RERE: variants seen among roughly 807,000 people sequenced by gnomAD.
RERE encodes the protein arginine-glutamic acid dipeptide repeats, also known as arginine-glutamic acid dipeptide repeats protein.
RERE carries 40 observed loss-of-function variants against 146.1 expected under a neutral mutation model. The ratio of observed to expected loss-of-function variants is 0.27; its 90% confidence interval spans 0.21 to 0.36. RERE has a LOEUF of 0.36. RERE is among the 10% of genes least tolerant of loss of function. The pLI is 1.00. For synonymous variants in RERE, 1,003 were observed against 866.0 expected, an observed-to-expected ratio of 1.16 and a Z score of -2.78; for missense variants, 1,933 against 2,138.7, an observed-to-expected ratio of 0.90 and a Z score of 1.90.
intron 1 of RERE, among the ~76,000 whole-genome samples, chr1:8,684,951 G>C (rs1404272743): frequency 1.3e-5 from 2 of 152,150 alleles, no homozygotes; most frequent in African/African-American, 4.8e-5. Context: ...TCAACCTCCT[G>C]GGCTCAAGCA....
At chr1:8,557,293 A>G in intron 5 of RERE, 125 bp downstream of exon 5, 1 of 652,942 alleles carries the variant, frequency 1.5e-6, no homozygotes, top group Middle Eastern at 3.9e-4. Flanking sequence ...ATCATCAAGC[A>G]TAAGGCCTAC....
Position 8,540,253 on chromosome 1 carries a change from G to A in RERE, c.830+961C>T, listed in dbSNP as rs1489165385. 5.3e-5 allele frequency among the ~76,000 whole-genome samples: 8 copies of A among 151,926 alleles called. No individual in the cohort carries two copies. The East Asian group carries it at 5.8e-4, about 11-fold the overall frequency. The stretch of plus-strand genomic sequence containing the variant: ...TGGGACCACAGGTGCAGCCCACCAC[G>A]TCCAGTTAATTTTTATTTTATATTT... On this transcript the variant is annotated intron_variant, in intron 7 of 22. Coordinates refer to ENST00000400908, the MANE Select transcript of RERE (RefSeq NM_001042681.2).
chr1:8,618,000 T>G (rs1462014504), intron 3 of RERE, among the ~76,000 whole-genome samples: 1 of 152,252 alleles, frequency 6.6e-6, no homozygotes, highest in African/African-American at 2.4e-5. Flanking sequence ...TGTTGATGTA[T>G]GCACTGTATC....
chr1:8,628,055 T>A (rs1646995465), intron 2 of RERE, among the ~76,000 whole-genome samples: 1 of 152,200 alleles, frequency 6.6e-6, no homozygotes, highest in Non-Finnish European at 1.5e-5. Flanking sequence ...TTACTTTTCC[T>A]TAGATTAAAA....
chr1:8,384,438 T>G (rs562685872), intron 12 of RERE, among the ~76,000 whole-genome samples: 4 of 152,250 alleles, frequency 2.6e-5, no homozygotes, highest in Admixed American at 1.3e-4. Flanking sequence ...TAAAGGGGCA[T>G]TAATAAGAAG....
intron 12 of RERE, among the ~76,000 whole-genome samples, chr1:8,407,336 A>G (rs917688763): frequency 2.6e-5 from 4 of 152,230 alleles, no homozygotes; most frequent in Non-Finnish European, 5.9e-5. Context: ...AGAAGCTTCC[A>G]TCACAGTGCT....
chr1:8,387,988 C>T (rs1570116716), intron 12 of RERE, among the ~76,000 whole-genome samples: 1 of 152,172 alleles, frequency 6.6e-6, no homozygotes, highest in Non-Finnish European at 1.5e-5. Flanking sequence ...AACAGCAAAA[C>T]ACTGGAACCA....
intron 12 of RERE, among the ~76,000 whole-genome samples, chr1:8,391,209 T>C (rs555917581): frequency 1.3e-5 from 2 of 152,378 alleles, no homozygotes; most frequent in East Asian, 3.9e-4. Flanking sequence ...CAGCATGGAC[T>C]TTAAAGCCAG....
In RERE at chr1:8,798,988, G is replaced by A. The variant is rs567295650; in HGVS notation, c.-145+18172C>T. On this transcript the variant is annotated intron_variant, in intron 1 of 22. Transcript: ENST00000400908. ...ATTACAGGCGTGAGCCACTGTGCCCGGCCTTTTTGTTTTTGTTTTTGTTTT... is the reference window on the plus strand; with the variant it reads ...ATTACAGGCGTGAGCCACTGTGCCCAGCCTTTTTGTTTTTGTTTTTGTTTT... Among the ~76,000 whole-genome samples the A allele has an allele frequency of 6.4e-5, 9 of 141,110 alleles. No homozygotes were observed. The East Asian group carries it at 1.5e-3, about 24-fold the overall frequency. 92.6% of individuals were successfully genotyped at this position (141,110 alleles called of 152,430 possible). A position where few individuals can be genotyped will look rare whatever the true frequency, so the allele number is the denominator to read the frequency against.
At chr1:8,601,670 A>ACACG (rs1274147966) in intron 4 of RERE, among the ~76,000 whole-genome samples, 4 of 128,476 alleles carry the variant, frequency 3.1e-5, no homozygotes, top group African/African-American at 1.2e-4. Context: ...ACACACACAC[A>ACACG]CATCTTCCTT....
At chr1:8,760,604 C>T (rs1640735774) in intron 1 of RERE, among the ~76,000 whole-genome samples, 1 of 152,076 alleles carries the variant, frequency 6.6e-6, no homozygotes, top group Non-Finnish European at 1.5e-5. Context: ...ATATTTTAAG[C>T]CCATTTCCAT....
chr1:8,616,219 T>G (rs936587808), intron 3 of RERE, among the ~76,000 whole-genome samples: 2 of 152,222 alleles, frequency 1.3e-5, no homozygotes, highest in African/African-American at 4.8e-5. Flanking sequence ...GGTAAAGCAT[T>G]TCCAGACACT....
intron 12 of RERE, among the ~76,000 whole-genome samples, chr1:8,382,985 T>C (rs141502001): frequency 1.2e-3 from 175 of 148,256 alleles, no homozygotes; most frequent in African/African-American, 4.2e-3. Flanking sequence ...TAAGTTCACC[T>C]TAAAGGACTA....
intron 8 of RERE, among the ~76,000 whole-genome samples, chr1:8,498,824 A>G (rs958829815): frequency 3.3e-5 from 5 of 149,634 alleles, no homozygotes; most frequent in African/African-American, 1.2e-4. Context: ...TTTCTTTACG[A>G]AAGAAGGAAT....
At chr1:8,704,314 G>C (rs1639517113) in intron 1 of RERE, among the ~76,000 whole-genome samples, 2 of 152,110 alleles carry the variant, frequency 1.3e-5, no homozygotes, top group African/African-American at 4.8e-5. Context: ...ACATTGTATA[G>C]GAATTTTTTA....
chr1:8,354,818 A>G lies in RERE; in HGVS notation c.*269T>C. 1 of 472,754 alleles carries G rather than the reference A, an allele frequency of 2.1e-6. No homozygotes were observed. The allele number at this position is 472,754 out of a possible 1,614,324, so 29.3% of individuals were successfully genotyped here. On this transcript the variant is annotated 3_prime_UTR_variant, in exon 23 of 23. Transcript: ENST00000400908. The stretch of plus-strand genomic sequence containing the variant: ...AACTAAAGCCAAACCCCAAGATTGC[A>G]GGGAAGCTTTCTGGATGTTCAGTCC...
intron 4 of RERE, among the ~76,000 whole-genome samples, chr1:8,564,037 T>C (rs1335406855): frequency 9.9e-5 from 15 of 152,212 alleles, no homozygotes; most frequent in Admixed American, 8.5e-4. Context: ...TAAAGAGGCA[T>C]TAACTCTGCC....
At chr1:8,674,018 A>G (rs1472966603) in intron 1 of RERE, among the ~76,000 whole-genome samples, 1 of 152,194 alleles carries the variant, frequency 6.6e-6, no homozygotes, top group South Asian at 2.1e-4. Context: ...GGGCAACAGA[A>G]TAAGACCTAT....
At chr1:8,772,229 TA>T (rs914391931) in intron 1 of RERE, among the ~76,000 whole-genome samples, 3 of 152,076 alleles carry the variant, frequency 2.0e-5, no homozygotes, top group Non-Finnish European at 2.9e-5. Flanking sequence ...AACATATGCT[TA>T]TTTTTTTTAA....
Sources: gnomAD v4.1 joint callset for allele counts (sites outside exome capture counted in the v4.1 genomes callset) on GRCh38, gnomAD v4.1.1 for gene constraint, MANE v1.5 for transcripts, NCBI Gene and HGNC (gene_info 2026-07-23, HGNC 2026-07-21) for gene names.